The following IDS variants were observed in gnomAD, a reference collection of about 807,000 sequenced individuals.
IDS encodes iduronate 2-sulfatase, also known as alpha-L-iduronate sulfate sulfatase.
IDS carries 1 observed loss-of-function variant against 33.5 expected under a neutral mutation model. The ratio of observed to expected loss-of-function variants is 0.03; its 90% CI spans 0.01 to 0.14. The LOEUF (loss-of-function observed/expected upper bound fraction) is 0.14. IDS is among the 10% of genes least tolerant of loss of function. IDS has a pLI of 1.00. For missense variants in IDS, 328 were observed against 448.0 expected (o/e 0.73, Z 2.42); for synonymous variants, 191 against 184.4 (o/e 1.04, Z -0.29).
Position 149,505,214 on chromosome X carries a change from G to T in IDS, c.-77C>A. On this transcript the variant is annotated 5_prime_UTR_variant, in exon 1 of 9. The change creates a new upstream start codon in the 5' untranslated region. Coordinates refer to ENST00000340855, the MANE Select transcript of IDS (RefSeq NM_000202.8). Reference sequence around the variant, plus strand: ...GGCGCAGTTAGCAGCCGCCGCCGCAGCCACAGAGACCTCCTCGTCGGGAAC... The same window carrying T: ...GGCGCAGTTAGCAGCCGCCGCCGCATCCACAGAGACCTCCTCGTCGGGAAC... 1.4e-6 allele frequency: 1 copy of T among 728,187 alleles called. No homozygotes were observed. The highest frequency in any genetic ancestry group is 2.0e-6 in the Non-Finnish European group (1 of 492,724). 60.0% of individuals were successfully genotyped at this position (728,187 alleles called of 1,213,427 possible).
At chrX:149,501,146 G>A (rs1328910874) in intron 3 of IDS, 109 bp from the exon 4 acceptor site, 2 of 510,546 alleles carry the variant, frequency 3.9e-6, no homozygotes, top group Non-Finnish European at 6.7e-6. Context: ...CTTCTTTGGG[G>A]CTCAGTTTCC....
chrX:149,499,364 A>C (rs1157152215), intron 4 of IDS: 7 of 110,837 alleles, frequency 6.3e-5, no homozygotes, highest in African/African-American at 2.3e-4. Flanking sequence ...TCTCAAAAAA[A>C]AAAAAAAAAA....
At chrX:149,495,519 C>T (rs949441519) in intron 6 of IDS, 1 of 108,363 alleles carries the variant, frequency 9.2e-6, no homozygotes, top group African/African-American at 3.4e-5. Context: ...GTTCCACCTC[C>T]AGCTTCCAAT....
intron 6 of IDS, chrX:149,491,540 G>A (rs2124024791): frequency 1.5e-5 from 15 of 967,961 alleles, no homozygotes; most frequent in African/African-American, 2.0e-5. Flanking sequence ...AGACTCACCC[G>A]TTCTCACTTG....
chrX:149,491,480 G>A lies in IDS; in HGVS notation c.880-1040C>T, dbSNP rs2089391185. The stretch of plus-strand genomic sequence containing the variant: ...TCGCAGACCAGCCCCTGACTTATCA[G>A]CTGGACCCACCAGCTTCTTCTCATC... On this transcript the variant is annotated intron_variant, in intron 6 of 8. Transcript: ENST00000340855. The A allele has an allele frequency of 3.6e-5, 32 of 890,945 alleles. No homozygotes were observed. The South Asian group carries it at 7.6e-4, about 21-fold the overall frequency. The allele number at this position is 890,945 out of a possible 1,213,427, so 73.4% of individuals were successfully genotyped here.
At position 149,480,515 on chromosome X, in the gene IDS, G is replaced by T. The variant is rs2089290126; in HGVS notation, c.*2231C>A. On this transcript the variant is annotated 3_prime_UTR_variant, in exon 9 of 9. Coordinates refer to ENST00000340855, the MANE Select transcript of IDS (RefSeq NM_000202.8). ...CTCCAAAGAAAATCACAGTCCTGCTGTGTTGCCGAGGCTGGAATACAATGG... is the reference window on the plus strand; with the variant it reads ...CTCCAAAGAAAATCACAGTCCTGCTTTGTTGCCGAGGCTGGAATACAATGG... 1.7e-5 allele frequency: 5 copies of T among 294,466 alleles called. No homozygotes were observed. The highest frequency in any genetic ancestry group is 3.0e-5 in the Non-Finnish European group (5 of 169,264). The allele number at this position is 294,466 out of a possible 1,213,427, so 24.3% of individuals were successfully genotyped here.
rs1483187699 is a variant in IDS at position 149,481,496 on chromosome X, G to GA, written c.*1249dup. ...GGAAACACTGGAGACTTTGTAAAGA[G>GA]AAAATTACTAAAAATTACTCCTTCA... On this transcript the variant is annotated 3_prime_UTR_variant, in exon 9 of 9. Coordinates refer to ENST00000340855, the MANE Select transcript of IDS (RefSeq NM_000202.8). The GA allele has an allele frequency of 8.9e-6, 1 of 112,228 alleles. No homozygotes were observed. The highest frequency in any genetic ancestry group is 1.9e-5 in the Non-Finnish European group (1 of 53,232). The allele number at this position is 112,228 out of a possible 1,213,427, so 9.2% of individuals were successfully genotyped here.
chrX:149,501,550 A>G (rs966258776), intron 3 of IDS, among the ~76,000 whole-genome samples: 2 of 112,301 alleles, frequency 1.8e-5, no homozygotes, highest in African/African-American at 6.5e-5. Context: ...TGAAGACAGT[A>G]TAACAGCACT....
chrX:149,484,698 T>C (rs782040391), intron 8 of IDS, among the ~76,000 whole-genome samples: 16 of 112,665 alleles, frequency 1.4e-4, no homozygotes, highest in African/African-American at 4.2e-4. Context: ...GGTTCATCCA[T>C]ATTTAAAGTC....
intron 6 of IDS, among the ~76,000 whole-genome samples, chrX:149,491,367 C>A (rs2089389938): frequency 8.9e-6 from 1 of 112,352 alleles, no homozygotes; most frequent in African/African-American, 3.2e-5. Flanking sequence ...CCCTCCTGGG[C>A]TGACTCTCAT....
intron 7 of IDS, among the ~76,000 whole-genome samples, chrX:149,488,123 AG>A (rs1557338343): frequency 2.9e-3 from 292 of 100,483 alleles, no homozygotes; most frequent in African/African-American, 0.01. Flanking sequence ...GATTCTGGTG[AG>A]CCGTTCCTCC....
chrX:149,498,401 C>T (rs1180242142), intron 4 of IDS, 94 bp from the exon 5 acceptor site: 3 of 696,841 alleles, frequency 4.3e-6, no homozygotes, highest in Non-Finnish European at 6.5e-6. Flanking sequence ...ACATAATCAG[C>T]CCTTCACGTG....
intron 6 of IDS, chrX:149,491,408 A>C (rs782031619): frequency 5.6e-5 from 26 of 460,581 alleles, no homozygotes; most frequent in Non-Finnish European, 7.5e-5. Context: ...GCTAAGGACA[A>C]AAATTAATCT....
intron 8 of IDS, among the ~76,000 whole-genome samples, chrX:149,484,415 A>G (rs1300240321): frequency 1.2e-4 from 14 of 112,370 alleles, no homozygotes; most frequent in African/African-American, 4.2e-4. Flanking sequence ...TCCGTCTCCC[A>G]GGTTCAAGTG....
rs782607292 is a variant in IDS at position 149,505,084 on chromosome X, G to T, written c.54C>A (p.Ser18Arg). The change falls in exon 1 of 9, where the codon AGC becomes AGA. Residue 18 changes from serine to arginine, a missense_variant. Ser to Arg is a moderately radical substitution (Grantham distance 110). Transcript: ENST00000340855. ...CGGATCCGAGGGCGACGCAGACGGA[G>T]CTCAGAACCAGACCCAGCCAGAGAA... Reference protein sequence around the residue: ...RGLLWLGLVLSSVCVALGSET... With the variant: ...RGLLWLGLVLRSVCVALGSET... 2 of 1,208,670 alleles carry T rather than the reference G, an allele frequency of 1.7e-6. No individual in the cohort carries two copies. The highest frequency in any genetic ancestry group is 2.2e-6 in the Non-Finnish European group (2 of 893,141).
intron 2 of IDS, 115 bp downstream of exon 2, chrX:149,504,042 C>G: frequency 2.9e-6 from 2 of 689,682 alleles, no homozygotes; most frequent in Middle Eastern, 4.7e-4. Flanking sequence ...CTATGCTTCC[C>G]TCTAACAAGA....
At chrX:149,504,453 C>G (rs782748479) in intron 1 of IDS, among the ~76,000 whole-genome samples, 160 bp from the exon 2 acceptor site, 8 of 111,347 alleles carry the variant, frequency 7.2e-5, no homozygotes, top group South Asian at 7.5e-4. Context: ...GAGTGGGGCT[C>G]GAGGAGGAAG....
chrX:149,483,155 C>A lies in IDS; in HGVS notation c.1244G>T (p.Gly415Val). The change falls in exon 9 of 9, where the codon GGA becomes GTA. Residue 415 changes from glycine (G) to valine (V), a missense_variant. By Grantham distance (109) the Gly-to-Val change is moderately radical (BLOSUM62 -3). Around this residue, in one of 4 missense-constraint regions of IDS, gnomAD observed 265 missense variants for 339.2 expected, o/e 0.78. Transcript: ENST00000340855. ...SLFPTLAGLA[G>V]LQVPPRCPVP... ...GGGGCAGCGAGGTGGAACCTGCAGT[C>A]CTGCAAGTCCAGCCAGCGTGGGAAA... is the stretch of plus-strand genomic sequence containing the variant. 1 of 1,211,235 alleles carries A rather than the reference C, an allele frequency of 8.3e-7. No individual in the cohort carries two copies. The highest frequency in any genetic ancestry group is 1.1e-6 in the Non-Finnish European group (1 of 895,327).
chrX:149,504,418 G>C (rs971492420), intron 1 of IDS, 125 bp from the exon 2 acceptor site: 62 of 747,508 alleles, frequency 8.3e-5, no homozygotes, highest in Middle Eastern at 7.8e-4. Context: ...TAGCCAGGGA[G>C]GGCGCTGTGC....
Sources: gnomAD v4.1 joint callset for allele counts (sites outside exome capture counted in the v4.1 genomes callset) on GRCh38, gnomAD v4.1.1 for gene constraint, gnomAD v4.1.1 regional missense constraint, MANE v1.5 for transcripts, NCBI Gene and HGNC (gene_info 2026-07-23, HGNC 2026-07-21) for gene names.